Variants in RDH12 observed in about 807,000 individuals in gnomAD.
RDH12 encodes the protein retinol dehydrogenase 12.
A neutral mutation model predicts 34.0 loss-of-function variants in RDH12; 21 were observed. The ratio of observed to expected loss-of-function variants is 0.62; its 90% CI spans 0.44 to 0.89. The LOEUF (loss-of-function observed/expected upper bound fraction) is 0.89, where lower values mean the gene tolerates loss of function less well. Among genes scored for constraint, RDH12 ranks in the 40% least tolerant of loss-of-function variants. RDH12 has a pLI of 0.00. For missense variants in RDH12, 394 were observed against 398.6 expected, an observed-to-expected ratio of 0.99 and a Z score of 0.10; for synonymous variants, 198 against 169.9, an observed-to-expected ratio of 1.17 and a Z score of -1.29.
At chr14:67,702,718 G>T (rs550580695) in intron 1 of RDH12, among the ~76,000 whole-genome samples, 1 of 152,236 alleles carries the variant, frequency 6.6e-6, no homozygotes, top group African/African-American at 2.4e-5. Context: ...AGTCAATTGG[G>T]TATCATGTAG....
chr14:67,716,145 C>A (rs1304958222), intron 1 of RDH12, among the ~76,000 whole-genome samples: 15 of 149,390 alleles, frequency 1.0e-4, no homozygotes, highest in African/African-American at 3.7e-4. Flanking sequence ...TGCAGTGGGC[C>A]GAGATCACGC....
intron 7 of RDH12, 184 bp downstream of exon 7, chr14:67,727,374 G>C (rs776013668): frequency 1.9e-6 from 1 of 521,044 alleles, no homozygotes; most frequent in Non-Finnish European, 3.4e-6. Flanking sequence ...AAATCAAATA[G>C]GGGTTAAGAA....
intron 1 of RDH12, among the ~76,000 whole-genome samples, chr14:67,708,457 T>A (rs1278915467): frequency 1.3e-5 from 2 of 152,128 alleles, no homozygotes; most frequent in Non-Finnish European, 2.9e-5. Flanking sequence ...TAAAACCACC[T>A]TCTAAGGAGG....
At chr14:67,726,024 T>A in intron 5 of RDH12, 27 bp from the exon 6 acceptor site, 2 of 1,505,218 alleles carry the variant, frequency 1.3e-6, no homozygotes, top group South Asian at 2.2e-5. Flanking sequence ...TTGCTAACCA[T>A]AGGATCTCTT....
At chr14:67,708,941 C>T (rs915145465) in intron 1 of RDH12, among the ~76,000 whole-genome samples, 9 of 151,852 alleles carry the variant, frequency 5.9e-5, no homozygotes, top group Non-Finnish European at 8.8e-5. Context: ...TACAGGCATG[C>T]GCCACCACAC....
At chr14:67,719,877 A>G (rs2038104636) in intron 1 of RDH12, among the ~76,000 whole-genome samples, 1 of 152,092 alleles carries the variant, frequency 6.6e-6, no homozygotes, top group Non-Finnish European at 1.5e-5. Flanking sequence ...TGGCTTTACT[A>G]TTGATGGACA....
At chr14:67,706,557 A>C (rs909674709) in intron 1 of RDH12, among the ~76,000 whole-genome samples, 6 of 152,236 alleles carry the variant, frequency 3.9e-5, no homozygotes, top group Admixed American at 3.9e-4. Context: ...TCCAGGTCAC[A>C]GGAAGATGAG....
chr14:67,724,401 T>C, intron 3 of RDH12, 72 bp from the exon 4 acceptor site: 1 of 1,052,022 alleles, frequency 9.5e-7, no homozygotes, highest in Non-Finnish European at 1.5e-6. Flanking sequence ...AGTTTTTTTT[T>C]TTTTTTTTAA....
At chr14:67,722,190 C>A (rs989412075) in intron 2 of RDH12, among the ~76,000 whole-genome samples, 1 of 152,140 alleles carries the variant, frequency 6.6e-6, no homozygotes, top group African/African-American at 2.4e-5. Flanking sequence ...CCTTCCCATC[C>A]TATTTTAATC....
intron 1 of RDH12, among the ~76,000 whole-genome samples, chr14:67,717,415 C>T (rs969271243): frequency 6.6e-6 from 1 of 152,182 alleles, no homozygotes; most frequent in Non-Finnish European, 1.5e-5. Flanking sequence ...TAGTAGATGG[C>T]CAGCATCCTA....
At position 67,713,241 on chromosome 14, in the gene RDH12, AAAACAAAC is replaced by A. The variant is rs755392263; in HGVS notation, c.-274-7587_-274-7580del. 1.2e-4 allele frequency among the ~76,000 whole-genome samples: 18 copies of A among 150,988 alleles called. No homozygotes were observed. In the South Asian group the frequency reaches 2.1e-3, roughly 18 times the overall value. The stretch of plus-strand genomic sequence containing the variant: ...ACTCTCTACCATCCTAGAAGCAGGA[AAAACAAAC>A]AAACAAACAAACAAACAAAAAACAA... On this transcript the variant is annotated intron_variant, in intron 1 of 8. Transcript: ENST00000551171.
intron 1 of RDH12, among the ~76,000 whole-genome samples, chr14:67,713,901 C>T (rs1594860939): frequency 6.6e-6 from 1 of 152,122 alleles, no homozygotes; most frequent in East Asian, 1.9e-4. Context: ...AAAACAGCTG[C>T]ATTCTTTTGA....
At chr14:67,703,594 T>C (rs1410398898) in intron 1 of RDH12, among the ~76,000 whole-genome samples, 2 of 152,162 alleles carry the variant, frequency 1.3e-5, no homozygotes, top group Non-Finnish European at 2.9e-5. Flanking sequence ...ACCACTTGAG[T>C]TCTAATCTGT....
chr14:67,716,067 G>A (rs1382472890), intron 1 of RDH12, among the ~76,000 whole-genome samples: 3 of 152,022 alleles, frequency 2.0e-5, no homozygotes, highest in Admixed American at 1.3e-4. Flanking sequence ...GGTGGTAGCC[G>A]GTGCCTGTAG....
At chr14:67,705,479 C>T (rs947328741) in intron 1 of RDH12, among the ~76,000 whole-genome samples, 4 of 152,164 alleles carry the variant, frequency 2.6e-5, no homozygotes, top group Non-Finnish European at 5.9e-5. Flanking sequence ...AGACTTGCCC[C>T]AGGTAGGCTA....
intron 1 of RDH12, among the ~76,000 whole-genome samples, chr14:67,703,040 G>T (rs1370938256): frequency 6.6e-6 from 1 of 151,954 alleles, no homozygotes; most frequent in African/African-American, 2.4e-5. Context: ...GGCTGGTCTT[G>T]AGCTCCTGGG....
At chr14:67,703,493 A>T (rs1053140794) in intron 1 of RDH12, among the ~76,000 whole-genome samples, 2 of 152,202 alleles carry the variant, frequency 1.3e-5, no homozygotes, top group Non-Finnish European at 2.9e-5. Flanking sequence ...CAAGTAGAAA[A>T]GTCAGTAGTT....
intron 6 of RDH12, 68 bp from the exon 7 acceptor site, chr14:67,726,913 T>C: frequency 2.8e-6 from 4 of 1,431,422 alleles, no homozygotes; most frequent in Non-Finnish European, 3.9e-6. Flanking sequence ...TGAAGTCCTC[T>C]TGGCTCCCAC....
chr14:67,710,493 C>T (rs1409769614), intron 1 of RDH12, among the ~76,000 whole-genome samples: 2 of 152,108 alleles, frequency 1.3e-5, no homozygotes, highest in Non-Finnish European at 2.9e-5. Flanking sequence ...TTGAACATCC[C>T]TCCTTCTTAA....
Sources: gnomAD v4.1 joint callset for allele counts (sites outside exome capture counted in the v4.1 genomes callset) on GRCh38, gnomAD v4.1.1 for gene constraint, MANE v1.5 for transcripts, NCBI Gene and HGNC (gene_info 2026-07-23, HGNC 2026-07-21) for gene names.